FLYWCH2: variants seen among roughly 807,000 people sequenced by gnomAD.
The protein encoded by FLYWCH2 is FLYWCH family member 2.
FLYWCH2 carries 2 observed loss-of-function variants against 6.0 expected under a neutral mutation model. The ratio of observed to expected loss-of-function variants is 0.33; its 90% CI spans 0.14 to 1.04. FLYWCH2 has a LOEUF of 1.04. Ranked by LOEUF, FLYWCH2 falls within the 50% of genes least tolerant of loss-of-function variation. The pLI is 0.45. For synonymous variants in FLYWCH2, 87 were observed against 79.3 expected (o/e 1.10, Z -0.52); for missense variants, 192 against 183.4 (o/e 1.05, Z -0.27).
intron 1 of FLYWCH2, among the ~76,000 whole-genome samples, chr16:2,889,315 ATTC>A (rs1156418284): frequency 6.8e-6 from 1 of 146,026 alleles, no homozygotes; most frequent in Non-Finnish European, 1.5e-5. Context: ...GGTTCACGCC[ATTC>A]TCCTGCCTCA....
intron 1 of FLYWCH2, among the ~76,000 whole-genome samples, chr16:2,893,786 CG>C (rs2150848648): frequency 6.6e-6 from 1 of 152,036 alleles, no homozygotes; most frequent in South Asian, 2.1e-4. Context: ...TACGGGCGCC[CG>C]CCACCACGCC....
At chr16:2,891,658 C>T (rs111301316) in intron 1 of FLYWCH2, among the ~76,000 whole-genome samples, 2,163 of 152,096 alleles carry the variant, frequency 0.014, 51 homozygotes, top group African/African-American at 0.048. Context: ...ACCCGCCTTG[C>T]CTCCCAAAGT....
intron 1 of FLYWCH2, among the ~76,000 whole-genome samples, chr16:2,887,313 C>CTTTTTTTTTTTTTTTTTTTTTTT (rs71158114): frequency 1.4e-5 from 1 of 72,538 alleles, no homozygotes; most frequent in Non-Finnish European, 3.0e-5. Context: ...GCCCGGCTTT[C>CTTTTTTTTTTTTTTTTTTTTTTT]TTTTTTTTTT....
chr16:2,899,231 G>A lies in FLYWCH2; in HGVS notation c.*82G>A. 1 of 833,596 alleles carries A rather than the reference G, an allele frequency of 1.2e-6. No homozygotes were observed. The highest frequency in any genetic ancestry group is 1.8e-6 in the Non-Finnish European group (1 of 552,196). 51.6% of individuals were successfully genotyped at this position (833,596 alleles called of 1,614,324 possible). A position where few individuals can be genotyped will look rare whatever the true frequency, so the allele number is the denominator to read the frequency against. ...TCCGCAGGGCTTCTGGGGCCAAATG[G>A]GTGAATCTTTGCTTTTAACATTGTG... On this transcript the variant is annotated 3_prime_UTR_variant, in exon 4 of 4. Coordinates refer to ENST00000396958, the MANE Select transcript of FLYWCH2 (RefSeq NM_138439.3).
intron 1 of FLYWCH2, among the ~76,000 whole-genome samples, chr16:2,891,652 G>A (rs554059881): frequency 2.0e-5 from 3 of 151,934 alleles, no homozygotes; most frequent in Admixed American, 2.0e-4. Flanking sequence ...TGATCCACCC[G>A]CCTTGCCTCC....
chr16:2,894,911 A>T (rs8048325), intron 1 of FLYWCH2, among the ~76,000 whole-genome samples: 65,914 of 151,998 alleles, frequency 0.43, 14,516 homozygotes, highest in African/African-American at 0.45. Context: ...GGGTCCAAGG[A>T]AACCATGAGA....
chr16:2,891,053 T>C (rs1048349993), intron 1 of FLYWCH2, among the ~76,000 whole-genome samples: 1 of 152,204 alleles, frequency 6.6e-6, no homozygotes, highest in Non-Finnish European at 1.5e-5. Flanking sequence ...GATATTTATT[T>C]TGTTATCTGG....
intron 1 of FLYWCH2, among the ~76,000 whole-genome samples, chr16:2,890,755 C>T (rs113563198): frequency 2.6e-5 from 4 of 151,930 alleles, no homozygotes; most frequent in African/African-American, 7.2e-5. Flanking sequence ...TTACTGGAGA[C>T]GGAGTTTAGC....
At chr16:2,896,866 G>A (rs1256334815) in intron 3 of FLYWCH2, 95 bp downstream of exon 3, 1 of 1,192,888 alleles carries the variant, frequency 8.4e-7, no homozygotes, top group Admixed American at 2.4e-5. Flanking sequence ...TCCCTGGCAT[G>A]CGGGTCCTTG....
intron 1 of FLYWCH2, among the ~76,000 whole-genome samples, chr16:2,884,254 G>T (rs1477878282): frequency 6.6e-6 from 1 of 152,120 alleles, no homozygotes; most frequent in African/African-American, 2.4e-5. Context: ...TGTCCTCGCG[G>T]CTGAGGATGC....
chr16:2,897,139 C>T (rs1342531418), intron 3 of FLYWCH2, among the ~76,000 whole-genome samples: 1 of 152,190 alleles, frequency 6.6e-6, no homozygotes, highest in Non-Finnish European at 1.5e-5. Context: ...TGATGGGTCA[C>T]CTTTCCATAT....
intron 1 of FLYWCH2, among the ~76,000 whole-genome samples, chr16:2,891,646 C>A (rs2069759182): frequency 6.6e-6 from 1 of 152,180 alleles, no homozygotes; most frequent in African/African-American, 2.4e-5. Context: ...ACCTCGTGAT[C>A]CACCCGCCTT....
intron 1 of FLYWCH2, among the ~76,000 whole-genome samples, chr16:2,894,997 A>G (rs1176821122): frequency 6.6e-6 from 1 of 152,072 alleles, no homozygotes; most frequent in African/African-American, 2.4e-5. Flanking sequence ...TGGGTCCTGG[A>G]CAGGGGGCTA....
chr16:2,895,761 C>T (rs2069812102), intron 2 of FLYWCH2, among the ~76,000 whole-genome samples: 1 of 152,232 alleles, frequency 6.6e-6, no homozygotes, highest in Non-Finnish European at 1.5e-5. Context: ...GCCCATGCTC[C>T]CTGTGACAAC....
At chr16:2,887,313 C>CTTTTTTTT (rs71158114) in intron 1 of FLYWCH2, among the ~76,000 whole-genome samples, 7 of 72,524 alleles carry the variant, frequency 9.7e-5, no homozygotes, top group African/African-American at 1.4e-4. Context: ...GCCCGGCTTT[C>CTTTTTTTT]TTTTTTTTTT....
At position 2,899,049 on chromosome 16, in the gene FLYWCH2, G is replaced by A. The variant is rs1419276592; in HGVS notation, c.323G>A (p.Gly108Asp). ...CCTGATCCACCCTCTTCTCTCGCAGGCACAGACAGAACAGAAGACAGTGGA... is the reference window on the plus strand; with the variant it reads ...CCTGATCCACCCTCTTCTCTCGCAGACACAGACAGAACAGAAGACAGTGGA... ...PEQKRSRQDP[G>D]TDRTEDSGLA... Residue 108 changes from glycine (G) to aspartate (D), a missense_variant and splice_region_variant, in exon 4 of 4, where the codon GGC becomes GAC. Physicochemically the swap from Gly to Asp is moderately conservative, Grantham distance 94 (BLOSUM62 -1). Transcript: ENST00000396958. 1.9e-6 allele frequency: 3 copies of A among 1,611,460 alleles called. No homozygotes were observed. The highest frequency in any genetic ancestry group is 1.7e-5 in the Admixed American group (1 of 59,694).
chr16:2,886,646 T>C (rs1192781941), intron 1 of FLYWCH2, among the ~76,000 whole-genome samples: 2 of 145,274 alleles, frequency 1.4e-5, no homozygotes, highest in Non-Finnish European at 1.5e-5. Context: ...CTCAGCCTCC[T>C]GAGTAGCTGG....
intron 3 of FLYWCH2, among the ~76,000 whole-genome samples, chr16:2,897,065 G>A (rs1469152712): frequency 1.3e-5 from 2 of 152,224 alleles, no homozygotes; most frequent in African/African-American, 4.8e-5. Context: ...CCCACAGGCA[G>A]CTGCCGTCAG....
chr16:2,887,827 A>T (rs1395564697), intron 1 of FLYWCH2, among the ~76,000 whole-genome samples: 2 of 151,846 alleles, frequency 1.3e-5, no homozygotes, highest in African/African-American at 4.8e-5. Flanking sequence ...TCACCCTCCC[A>T]AAGTACTGGA....
Sources: gnomAD v4.1 joint callset for allele counts (sites outside exome capture counted in the v4.1 genomes callset) on GRCh38, gnomAD v4.1.1 for gene constraint, MANE v1.5 for transcripts, NCBI Gene and HGNC (gene_info 2026-07-23, HGNC 2026-07-21) for gene names.